The following LANCL2 variants were observed in gnomAD, a reference collection of about 807,000 sequenced individuals.
LANCL2 encodes the protein LanC like glutathione S-transferase 2.
In LANCL2, 33 loss-of-function variants were observed where a neutral mutation model predicts 56.9. That is an observed-to-expected ratio of 0.58 (90% confidence interval 0.44 to 0.78). The LOEUF is 0.78. Among genes scored for constraint, LANCL2 ranks in the 30% least tolerant of loss-of-function variants. LANCL2 has a pLI of 0.00. For missense variants in LANCL2, 562 were observed against 580.2 expected (o/e 0.97, Z 0.32); for synonymous variants, 233 against 228.2 (o/e 1.02, Z -0.19).
chr7:55,427,740 A>T (rs1476653641), intron 7 of LANCL2, among the ~76,000 whole-genome samples: 2 of 152,226 alleles, frequency 1.3e-5, no homozygotes, highest in African/African-American at 4.8e-5. Flanking sequence ...TTAGTGTACA[A>T]ATGACCCTTC....
At chr7:55,377,724 A>C (rs1319749632) in intron 1 of LANCL2, among the ~76,000 whole-genome samples, 1 of 152,164 alleles carries the variant, frequency 6.6e-6, no homozygotes, top group Non-Finnish European at 1.5e-5. Context: ...GTTTGGGAAA[A>C]TTGCCTACTC....
In LANCL2 at chr7:55,382,624, G is replaced by A. The variant is rs115243948; in HGVS notation, c.205-9169G>A. ...GTCGGATCCTAGATGAAATCTTAGG[G>A]GTCACAGTGGGTTCTTCTTGCTGTC... On this transcript the variant is annotated intron_variant, in intron 1 of 8. Transcript: ENST00000254770. Among the ~76,000 whole-genome samples the A allele has an allele frequency of 3.5e-3, 537 of 152,250 alleles. 6 individuals are homozygous for A. The highest frequency in any genetic ancestry group is 0.012 in the African/African-American group (509 of 41,544).
At chr7:55,394,683 G>A (rs1434068115) in intron 2 of LANCL2, among the ~76,000 whole-genome samples, 1 of 152,238 alleles carries the variant, frequency 6.6e-6, no homozygotes, top group Non-Finnish European at 1.5e-5. Flanking sequence ...AGTGTGGAGA[G>A]CCATGGTGTG....
intron 8 of LANCL2, 29 bp downstream of exon 8, chr7:55,428,476 A>T (rs1790692509): frequency 6.3e-7 from 1 of 1,595,052 alleles, no homozygotes; most frequent in African/African-American, 1.3e-5. Context: ...CTATAGATTA[A>T]ATGTTTGGGT....
rs145958300 is a variant in LANCL2 at position 55,382,909 on chromosome 7, G to A, written c.205-8884G>A. Among the ~76,000 whole-genome samples, 694 of 152,328 alleles carry A rather than the reference G, an allele frequency of 4.6e-3. 4 individuals carry two copies. The highest frequency in any genetic ancestry group is 0.02 in the Middle Eastern group (6 of 294). On this transcript the variant is annotated intron_variant, in intron 1 of 8. Coordinates refer to ENST00000254770, the MANE Select transcript of LANCL2 (RefSeq NM_018697.4). Reference sequence around the variant, plus strand: ...AGGCATTCTGGTCCCCAGGCAAGAAGGGAGTTTGTTTTGGGAAAGGGCTGT... The same window carrying A: ...AGGCATTCTGGTCCCCAGGCAAGAAAGGAGTTTGTTTTGGGAAAGGGCTGT...
At chr7:55,366,757 A>G (rs1250944118) in intron 1 of LANCL2, among the ~76,000 whole-genome samples, 2 of 152,250 alleles carry the variant, frequency 1.3e-5, no homozygotes, top group Non-Finnish European at 2.9e-5. Context: ...AGAGCGTTAC[A>G]TTGACATAAA....
chr7:55,418,420 T>G (rs1562869002), intron 6 of LANCL2, among the ~76,000 whole-genome samples: 1 of 152,138 alleles, frequency 6.6e-6, no homozygotes, highest in Non-Finnish European at 1.5e-5. Context: ...GTTCAAGGGT[T>G]CTACCCACCT....
chr7:55,395,827 C>T (rs887284784), intron 2 of LANCL2, among the ~76,000 whole-genome samples: 10 of 152,204 alleles, frequency 6.6e-5, no homozygotes, highest in Admixed American at 1.3e-4. Flanking sequence ...TACAGTCATG[C>T]ATCGCTTCAC....
intron 1 of LANCL2, among the ~76,000 whole-genome samples, chr7:55,372,399 G>C (rs1283881195): frequency 6.6e-6 from 1 of 152,060 alleles, no homozygotes; most frequent in African/African-American, 2.4e-5. Context: ...ACTGAACCTT[G>C]GTTTTCTTAC....
At chr7:55,406,042 C>T (rs1304255413) in intron 5 of LANCL2, among the ~76,000 whole-genome samples, 1 of 152,162 alleles carries the variant, frequency 6.6e-6, no homozygotes, top group African/African-American at 2.4e-5. Context: ...CATACGTAGC[C>T]TTGGGCTAGA....
chr7:55,396,377 C>G (rs556417130), intron 2 of LANCL2, among the ~76,000 whole-genome samples: 1 of 152,334 alleles, frequency 6.6e-6, no homozygotes, highest in East Asian at 1.9e-4. Flanking sequence ...ATTGCTTCAC[C>G]GGAGCCTCTC....
chr7:55,391,941 AT>A, intron 2 of LANCL2, 31 bp downstream of exon 2: 1 of 1,152,818 alleles, frequency 8.7e-7, no homozygotes, highest in Non-Finnish European at 1.3e-6. Context: ...TCACTGATAC[AT>A]TTTATTCTTA....
chr7:55,406,291 C>G (rs1761683968), intron 5 of LANCL2, among the ~76,000 whole-genome samples: 1 of 152,224 alleles, frequency 6.6e-6, no homozygotes, highest in South Asian at 2.1e-4. Context: ...AGGAACAAAA[C>G]CCCTCCCTGC....
At chr7:55,387,661 C>G (rs188499264) in intron 1 of LANCL2, among the ~76,000 whole-genome samples, 5 of 151,804 alleles carry the variant, frequency 3.3e-5, no homozygotes, top group Admixed American at 2.0e-4. Flanking sequence ...GTTACAAAGA[C>G]TATCCTAAAT....
In LANCL2 at chr7:55,398,695, A is replaced by G. The variant is rs766125706; in HGVS notation, c.530+65A>G. 6.8e-5 allele frequency: 83 copies of G among 1,222,332 alleles called. 1 individual carries two copies. The highest frequency in any genetic ancestry group is 5.1e-4 in the South Asian group (41 of 80,104). 75.7% of individuals were successfully genotyped at this position (1,222,332 alleles called of 1,614,324 possible). A position where few individuals can be genotyped will look rare whatever the true frequency, so the allele number is the denominator to read the frequency against. ...GTGGAAGCTCTTGCTGTAGAAAGAT[A>G]TTCAGAAAGGAAACTATTTTTCCAT... On this transcript the variant is annotated intron_variant, in intron 3 of 8. Transcript: ENST00000254770.
At chr7:55,399,220 C>G (rs1259440211) in intron 3 of LANCL2, among the ~76,000 whole-genome samples, 1 of 151,528 alleles carries the variant, frequency 6.6e-6, no homozygotes, top group Non-Finnish European at 1.5e-5. Context: ...CTGCGGTGAG[C>G]CATCATCCTG....
rs950245001 is a variant in LANCL2, at chr7:55,433,370, A to G, written c.*2050A>G. 2 of 152,208 alleles carry G rather than the reference A, an allele frequency of 1.3e-5. No homozygotes were observed. Among genetic ancestry groups the G allele is most frequent in the African/African-American group, 4.8e-5 (2 of 41,450 alleles). 9.4% of individuals were successfully genotyped at this position (152,208 alleles called of 1,614,324 possible). ...AAGCCACCTGGGTTGACACCTTCCT[A>G]CTTATCCACTAGATGTCATCAGAGG... On this transcript the variant is annotated 3_prime_UTR_variant, in exon 9 of 9. Coordinates refer to ENST00000254770, the MANE Select transcript of LANCL2 (RefSeq NM_018697.4).
At chr7:55,391,653 CT>C in intron 1 of LANCL2, 139 bp from the exon 2 acceptor site, 1 of 513,126 alleles carries the variant, frequency 1.9e-6, no homozygotes, top group East Asian at 3.3e-5. Flanking sequence ...CCAAGATAGA[CT>C]CCAACCAATG....
chr7:55,403,153 A>T (rs1790361821), intron 5 of LANCL2, among the ~76,000 whole-genome samples: 1 of 152,260 alleles, frequency 6.6e-6, no homozygotes, highest in African/African-American at 2.4e-5. Context: ...GGCACCATTG[A>T]ACACTGAGTG....
Sources: gnomAD v4.1 joint callset for allele counts (sites outside exome capture counted in the v4.1 genomes callset) on GRCh38, gnomAD v4.1.1 for gene constraint, MANE v1.5 for transcripts, NCBI Gene and HGNC (gene_info 2026-07-23, HGNC 2026-07-21) for gene names.